The following CEP192 variants were observed in gnomAD, a reference collection of about 807,000 sequenced individuals.
The protein encoded by CEP192 is centrosomal protein of 192 kDa.
In CEP192, 151 loss-of-function variants were observed where a neutral mutation model predicts 271.8. The observed-to-expected ratio is 0.56, with a 90% CI of 0.49 to 0.64. The LOEUF is 0.64. Among genes scored for constraint, CEP192 ranks in the 30% least tolerant of loss-of-function variants. The pLI is 0.00. For missense variants in CEP192, 2,910 were observed against 3,020.5 expected (o/e 0.96, Z 0.86); for synonymous variants, 995 against 1,076.5 (o/e 0.92, Z 1.48).
chr18:13,100,723 G>A lies in CEP192; in HGVS notation c.6871+211G>A, dbSNP rs114325430. ...GGCATTTACTAACTCTGTGTATTCCGGGAATCCTAGGTTTTATTTGATGGT... is the reference window on the plus strand; with the variant it reads ...GGCATTTACTAACTCTGTGTATTCCAGGAATCCTAGGTTTTATTTGATGGT... On this transcript the variant is annotated intron_variant, in intron 38 of 44. Coordinates refer to ENST00000506447, the MANE Select transcript of CEP192 (RefSeq NM_032142.4). 5.9e-3 allele frequency among the ~76,000 whole-genome samples: 892 copies of A among 152,234 alleles called. 13 individuals carry two copies. Among genetic ancestry groups the A allele is most frequent in the African/African-American group, 0.02 (834 of 41,554 alleles).
At chr18:13,005,524 G>T (rs2033926921) in intron 3 of CEP192, among the ~76,000 whole-genome samples, 1 of 152,232 alleles carries the variant, frequency 6.6e-6, no homozygotes, top group Admixed American at 6.5e-5. Context: ...CTTGACTCTT[G>T]CTGGAGGCCA....
At chr18:13,069,267 C>G (rs2037881715) in intron 26 of CEP192, 86 bp downstream of exon 26, 4 of 1,148,024 alleles carry the variant, frequency 3.5e-6, no homozygotes, top group Admixed American at 1.7e-5. Flanking sequence ...TGTGCTCTTC[C>G]TGGCCCAACA....
intron 14 of CEP192, 122 bp downstream of exon 14, chr18:13,041,078 A>G (rs1375629977): frequency 4.7e-5 from 36 of 767,318 alleles, no homozygotes; most frequent in Non-Finnish European, 7.1e-5. Flanking sequence ...GTAGTTTCTC[A>G]GTGTTGGTTA....
chr18:13,086,235 G>A (rs1301680887), intron 30 of CEP192, among the ~76,000 whole-genome samples: 2 of 152,172 alleles, frequency 1.3e-5, no homozygotes, highest in African/African-American at 2.4e-5. Flanking sequence ...TTGACTTTGT[G>A]TCCTGAGACA....
At chr18:13,106,323 C>A (rs2039943000) in intron 40 of CEP192, among the ~76,000 whole-genome samples, 1 of 152,086 alleles carries the variant, frequency 6.6e-6, no homozygotes, top group Non-Finnish European at 1.5e-5. Flanking sequence ...CTCCCACTCA[C>A]AACTACCATC....
At chr18:13,110,921 C>T (rs972345278) in intron 40 of CEP192, among the ~76,000 whole-genome samples, 39 of 152,206 alleles carry the variant, frequency 2.6e-4, no homozygotes, top group Non-Finnish European at 1.8e-4. Context: ...GCAAGGTTAT[C>T]CCACCTTCTT....
intron 3 of CEP192, among the ~76,000 whole-genome samples, chr18:13,005,561 T>C (rs1377396852): frequency 6.6e-6 from 1 of 152,160 alleles, no homozygotes; most frequent in Admixed American, 6.5e-5. Context: ...GTCTTGTTGG[T>C]CCTTGTTGAT....
Position 13,104,972 on chromosome 18 carries a change from A to G in CEP192, c.6952-12A>G. On this transcript the variant is annotated splice_polypyrimidine_tract_variant and intron_variant, in intron 39 of 44. Transcript: ENST00000506447. ...TTATGGTTTTTAATTTGTTTAAATG[A>G]TTGCTTTGCAGGGAGTTGATGAAAG... 6.3e-7 allele frequency: 1 copy of G among 1,593,444 alleles called. No individual in the cohort carries two copies. Among genetic ancestry groups the G allele is most frequent in the Non-Finnish European group, 8.6e-7 (1 of 1,161,264 alleles).
In CEP192 at chr18:13,018,728, C is replaced by T. The variant is rs1029548097; in HGVS notation, c.925+113C>T. The T allele has an allele frequency of 1.1e-5, 8 of 739,418 alleles. No individual in the cohort carries two copies. In the Admixed American group the frequency reaches 2.5e-4, roughly 23 times the overall value. 45.8% of individuals were successfully genotyped at this position (739,418 alleles called of 1,614,324 possible). On this transcript the variant is annotated intron_variant, in intron 8 of 44. Transcript: ENST00000506447. ...TAGCATATATTAACTCTTCTAGTCC[C>T]TCAGGTCTTTAGACAGTCTAAAACT...
rs371110598 is a variant in CEP192, at chr18:13,056,058, A to G, written c.3468A>G (p.Thr1156=). 1.2e-6 allele frequency: 2 copies of G among 1,614,106 alleles called. No individual in the cohort carries two copies. The highest frequency in any genetic ancestry group is 2.7e-5 in the African/African-American group (2 of 74,948). ...TGGAAACCAGTGAGGTAGGTTGGAC[A>G]TCAAACCCTGAGGAATTGGACCCGA... ...NLLETSEVGW[T]SNPEELDPIR... is the part of the protein sequence containing the mutation. Residue 1156 remains threonine (T), a synonymous_variant, in exon 19 of 45, where the codon ACA becomes ACG. Coordinates refer to ENST00000506447, the MANE Select transcript of CEP192 (RefSeq NM_032142.4).
At chr18:13,109,392 G>A (rs898497904) in intron 40 of CEP192, among the ~76,000 whole-genome samples, 1 of 152,146 alleles carries the variant, frequency 6.6e-6, no homozygotes, top group Non-Finnish European at 1.5e-5. Context: ...GGGGACTACT[G>A]GAAGTGGGAA....
chr18:13,049,936 G>C (rs779366492), intron 17 of CEP192, 45 bp downstream of exon 17: 12 of 1,481,190 alleles, frequency 8.1e-6, no homozygotes, highest in Middle Eastern at 1.8e-4. Context: ...TATGCGTTCA[G>C]TATAGGAACT....
At chr18:12,998,226 C>T (rs1054816059) in intron 1 of CEP192, among the ~76,000 whole-genome samples, 4 of 152,114 alleles carry the variant, frequency 2.6e-5, no homozygotes, top group Non-Finnish European at 5.9e-5. Flanking sequence ...TGTGTCAGTT[C>T]TTTGTTGGTT....
At chr18:12,996,563 G>A (rs756722152) in intron 1 of CEP192, among the ~76,000 whole-genome samples, 4 of 152,206 alleles carry the variant, frequency 2.6e-5, no homozygotes, top group Non-Finnish European at 4.4e-5. Flanking sequence ...GAAATTGAAG[G>A]CAATCACCCA....
chr18:13,076,516 A>G (rs1200941655), intron 30 of CEP192, among the ~76,000 whole-genome samples: 3 of 152,064 alleles, frequency 2.0e-5, no homozygotes, highest in South Asian at 2.1e-4. Flanking sequence ...CACCCGGCCA[A>G]TCATTCTTTT....
At chr18:13,006,707 G>A (rs1029953176) in intron 3 of CEP192, among the ~76,000 whole-genome samples, 1 of 152,152 alleles carries the variant, frequency 6.6e-6, no homozygotes, top group South Asian at 2.1e-4. Flanking sequence ...TGTTGTGTAT[G>A]TAGCTCTTAT....
At chr18:13,034,336 G>A (rs1236201676) in intron 11 of CEP192, among the ~76,000 whole-genome samples, 1 of 152,066 alleles carries the variant, frequency 6.6e-6, no homozygotes, top group East Asian at 1.9e-4. Context: ...AGGGGTGGAG[G>A]TAGCATTAAT....
chr18:13,036,494 C>CT (rs2035925576), intron 11 of CEP192, among the ~76,000 whole-genome samples: 1 of 152,238 alleles, frequency 6.6e-6, no homozygotes, highest in Non-Finnish European at 1.5e-5. Context: ...GCCTAGAGTG[C>CT]TACAGCCAGG....
chr18:13,099,670 G>A (rs2039615457), intron 37 of CEP192, 89 bp downstream of exon 37: 1 of 641,684 alleles, frequency 1.6e-6, no homozygotes, highest in Non-Finnish European at 2.7e-6. Flanking sequence ...CTTAATTTCA[G>A]AAATCAAATG....
Sources: allele counts gnomAD v4.1 joint callset (sites outside exome capture counted in the v4.1 genomes callset), GRCh38; gene constraint gnomAD v4.1.1; transcripts MANE v1.5; gene names NCBI Gene and HGNC (gene_info 2026-07-23, HGNC 2026-07-21).